Variants in NCL observed in about 807,000 individuals in gnomAD.
NCL encodes the protein nucleolin multifunctional protein.
A neutral mutation model predicts 77.7 loss-of-function variants in NCL; 4 were observed. The observed-to-expected ratio is 0.05, with a 90% CI of 0.03 to 0.12. The LOEUF (loss-of-function observed/expected upper bound fraction) is 0.12. Among genes scored for constraint, NCL ranks in the 10% least tolerant of loss-of-function variants. NCL has a pLI of 1.00. For synonymous variants in NCL, 344 were observed against 297.8 expected, an observed-to-expected ratio of 1.16 and a Z score of -1.60; for missense variants, 763 against 860.9, an observed-to-expected ratio of 0.89 and a Z score of 1.42.
chr2:231,455,782 G>GTGAC (rs770660707), intron 12 of NCL, 158 bp from the exon 13 acceptor site: 13 of 1,140,952 alleles, frequency 1.1e-5, no homozygotes, highest in Non-Finnish European at 1.7e-5. Context: ...ACTAACTGGT[G>GTGAC]TGACAGCTTG....
intron 3 of NCL, among the ~76,000 whole-genome samples, chr2:231,461,234 C>T (rs1389291342): frequency 1.3e-5 from 2 of 151,252 alleles, no homozygotes; most frequent in Non-Finnish European, 2.9e-5. Context: ...CGAGATAGCG[C>T]GCCATTGCAC....
In NCL at chr2:231,464,395, T is replaced by A. The variant is rs1182273239; in HGVS notation, c.-42A>T. The A allele has an allele frequency of 4.4e-6, 7 of 1,593,530 alleles. No individual in the cohort carries two copies. Among genetic ancestry groups the A allele is most frequent in the Non-Finnish European group, 6.0e-6 (7 of 1,169,266 alleles). ...GAAGCGGACAAGTGGCGCAGATGAG[T>A]CCAGAAGAAGCCAAGCGACGGCGAT... On this transcript the variant is annotated 5_prime_UTR_variant, in exon 1 of 14. Transcript: ENST00000322723.
At chr2:231,461,001 G>T in intron 3 of NCL, 135 bp from the exon 4 acceptor site, 1 of 758,508 alleles carries the variant, frequency 1.3e-6, no homozygotes, top group South Asian at 1.6e-5. Context: ...ACTTGGGGCC[G>T]GGCGCAGTGG....
In NCL at chr2:231,457,667, C is replaced by T. The variant is rs1252250347; in HGVS notation, c.1423G>A (p.Gly475Ser). The T allele has an allele frequency of 1.2e-6, 2 of 1,609,140 alleles. No homozygotes were observed. The highest frequency in any genetic ancestry group is 1.1e-5 in the South Asian group (1 of 89,978). The change falls in exon 9 of 14, where the codon GGT becomes AGT. Residue 475 changes from glycine to serine, a missense_variant. By Grantham distance (56) the Gly-to-Ser change is moderately conservative. Around this residue, in one of 2 missense-constraint regions of NCL, gnomAD observed 173 missense variants for 290.4 expected, o/e 0.60. Transcript: ENST00000322723. ...GEKGQNQDYR[G>S]GKNSTWSGES... ...CCACTCCAAGTGCTATTCTTTCCAC[C>T]TCTATAGTCTTGATTTTGACCTTTC...
rs1460875421 is a variant in NCL, at chr2:231,456,984, C to T, written c.1571+17G>A. ...CATATATAGCCTATAACTGATGATA[C>T]AAAGGTATTATCTTACCCTTTAGAT... On this transcript the variant is annotated intron_variant, in intron 10 of 13. Coordinates refer to ENST00000322723, the MANE Select transcript of NCL (RefSeq NM_005381.3). 6.2e-7 allele frequency: 1 copy of T among 1,613,210 alleles called. No homozygotes were observed. The highest frequency in any genetic ancestry group is 1.7e-5 in the Admixed American group (1 of 59,892).
rs76973099 is a variant in NCL at position 231,462,124 on chromosome 2, C to G, written c.136-107G>C. The G allele has an allele frequency of 2.1e-3, 2,859 of 1,346,528 alleles. 42 individuals are homozygous for G. In the African/African-American group the frequency reaches 0.037, roughly 17 times the overall value. 83.4% of individuals were successfully genotyped at this position (1,346,528 alleles called of 1,614,324 possible). A position where few individuals can be genotyped will look rare whatever the true frequency, so the allele number is the denominator to read the frequency against. On this transcript the variant is annotated intron_variant, in intron 2 of 13. Transcript: ENST00000322723. Reference sequence around the variant, plus strand: ...TCTGGCAATGCCTCTGGTTCAAGACCACATGCACTAGACACATTAGCATGT... The same window carrying G: ...TCTGGCAATGCCTCTGGTTCAAGACGACATGCACTAGACACATTAGCATGT...
intron 6 of NCL, 21 bp downstream of exon 6, chr2:231,460,131 A>G (rs1434825920): frequency 1.2e-6 from 2 of 1,603,976 alleles, no homozygotes; most frequent in African/African-American, 1.3e-5. Flanking sequence ...ACGTGTATGT[A>G]ACGTGCAGTG....
In NCL at chr2:231,460,158, A is replaced by G. The variant is rs1425145759; in HGVS notation, c.1034T>C (p.Met345Thr). The change falls in exon 6 of 14, where the codon ATG becomes ACG. Residue 345 changes from methionine (M) to threonine (T), a missense_variant. Physicochemically the swap from Met to Thr is moderately conservative, Grantham distance 81. Coordinates refer to ENST00000322723, the MANE Select transcript of NCL (RefSeq NM_005381.3). ...CGTGCAGTGAAGCACTTACCTAGTCATACCAATTCTGACATCCACAACAGC... is the reference window on the plus strand; with the variant it reads ...CGTGCAGTGAAGCACTTACCTAGTCGTACCAATTCTGACATCCACAACAGC... ...DLAVVDVRIGMTRKFGYVDFE... is the reference protein window; with the variant it reads ...DLAVVDVRIGTTRKFGYVDFE... 1 of 1,612,698 alleles carries G rather than the reference A, an allele frequency of 6.2e-7. No individual in the cohort carries two copies. Among genetic ancestry groups the G allele is most frequent in the Admixed American group, 1.7e-5 (1 of 59,874 alleles).
At position 231,458,248 on chromosome 2, in the gene NCL, T is replaced by C. The variant is rs773212904; in HGVS notation, c.1289+18A>G. On this transcript the variant is annotated intron_variant, in intron 8 of 13. Transcript: ENST00000322723. The stretch of plus-strand genomic sequence containing the variant: ...TTAATGTTAATAAAACCCTTACATT[T>C]CAATAGACAGAACATACCCTTTACT... 67 of 1,601,034 alleles carry C rather than the reference T, an allele frequency of 4.2e-5. No homozygotes were observed. Among genetic ancestry groups the C allele is most frequent in the Non-Finnish European group, 5.5e-5 (65 of 1,176,138 alleles).
intron 11 of NCL, chr2:231,456,359 A>G: frequency 1.1e-6 from 1 of 880,196 alleles, no homozygotes; most frequent in Non-Finnish European, 1.8e-6. Flanking sequence ...CTTCTATGGA[A>G]AGTGGGAGAA....
At chr2:231,460,985 T>C (rs893564446) in intron 3 of NCL, 119 bp from the exon 4 acceptor site, 13 of 859,600 alleles carry the variant, frequency 1.5e-5, no homozygotes, top group East Asian at 1.2e-4. Context: ...ATGGCAAGAA[T>C]AGATCACTTG....
chr2:231,455,108 A>G lies in NCL; in HGVS notation c.*83T>C. 1.4e-6 allele frequency: 2 copies of G among 1,467,224 alleles called. No homozygotes were observed. Among genetic ancestry groups the G allele is most frequent in the Non-Finnish European group, 1.9e-6 (2 of 1,050,362 alleles). The allele number at this position is 1,467,224 out of a possible 1,614,324, so 90.9% of individuals were successfully genotyped here. A position where few individuals can be genotyped will look rare whatever the true frequency, so the allele number is the denominator to read the frequency against. On this transcript the variant is annotated 3_prime_UTR_variant, in exon 14 of 14. Transcript: ENST00000322723. ...GTATACTGTCTTGGAATGTCCTCAG[A>G]AGGCTCTGTCATTGATCAGGTAACA...
In NCL at chr2:231,460,284, G is replaced by A. The variant is rs758874312; in HGVS notation, c.908C>T (p.Pro303Leu). ...AKKQKVEGTE[P>L]TTAFNLFVGN... ...AACAAAGAGATTGAAAGCCGTAGTC[G>A]GTTCTGTGCCTGCACAAAAAAAGCT... Residue 303 changes from proline to leucine, a missense_variant, in exon 6 of 14, where the codon CCG becomes CTG. By Grantham distance (98) the Pro-to-Leu change is moderately conservative (BLOSUM62 -3). Around this residue, in one of 2 missense-constraint regions of NCL, gnomAD observed 590 missense variants for 570.5 expected, o/e 1.03. Transcript: ENST00000322723. 2.6e-5 allele frequency: 42 copies of A among 1,613,790 alleles called. No individual in the cohort carries two copies. Among genetic ancestry groups the A allele is most frequent in the East Asian group, 6.7e-5 (3 of 44,898 alleles).
intron 1 of NCL, 114 bp from the exon 2 acceptor site, chr2:231,463,430 GTGC>G: frequency 1.3e-6 from 1 of 764,716 alleles, no homozygotes; most frequent in Non-Finnish European, 2.3e-6. Flanking sequence ...ATTTCTCATA[GTGC>G]CAAACACCAC....
intron 6 of NCL, among the ~76,000 whole-genome samples, chr2:231,459,467 A>G (rs536359197): frequency 6.6e-6 from 1 of 152,152 alleles, no homozygotes; most frequent in Non-Finnish European, 1.5e-5. Flanking sequence ...CAGGTCTAAT[A>G]GTTTCAGGTA....
intron 11 of NCL, 159 bp from the exon 12 acceptor site, chr2:231,456,295 T>C: frequency 1.0e-6 from 1 of 957,226 alleles, no homozygotes; most frequent in Non-Finnish European, 1.6e-6. Context: ...GTAAAGGCTA[T>C]TCTGGGTTTA....
At position 231,463,292 on chromosome 2, in the gene NCL, T is replaced by C. The variant is rs2046969414; in HGVS notation, c.43A>G (p.Lys15Glu). The C allele has an allele frequency of 1.2e-6, 2 of 1,611,616 alleles. No homozygotes were observed. Among genetic ancestry groups the C allele is most frequent in the Admixed American group, 1.7e-5 (1 of 59,298 alleles). ...AKAGKNQGDPKKMAPPPKEVE... is the reference protein window; with the variant it reads ...AKAGKNQGDPEKMAPPPKEVE... ...TCCTTTGGAGGAGGAGCCATTTTCT[T>C]GGGGTCACCTTGATTTTTACCTGCC... The change falls in exon 2 of 14, where the codon AAG (lysine) becomes GAG (glutamate). Residue 15 changes from lysine (K) to glutamate (E), a missense_variant. By Grantham distance (56) the Lys-to-Glu change is moderately conservative. Coordinates refer to ENST00000322723, the MANE Select transcript of NCL (RefSeq NM_005381.3).
At chr2:231,457,620 T>G in intron 9 of NCL, 23 bp downstream of exon 9, 1 of 1,571,590 alleles carries the variant, frequency 6.4e-7, no homozygotes, top group Non-Finnish European at 8.6e-7. Context: ...TTCTGAAACC[T>G]TGTAACAAGC....
chr2:231,455,338 G>A (rs902768117), intron 13 of NCL, 63 bp downstream of exon 13: 33 of 1,613,020 alleles, frequency 2.0e-5, no homozygotes, highest in East Asian at 4.5e-5. Flanking sequence ...ATTAGGAACC[G>A]TGACAGGGCA....
Sources: allele counts gnomAD v4.1 joint callset (sites outside exome capture counted in the v4.1 genomes callset), GRCh38; gene constraint gnomAD v4.1.1; regional missense constraint gnomAD v4.1.1; transcripts MANE v1.5; gene names NCBI Gene and HGNC (gene_info 2026-07-23, HGNC 2026-07-21).